RARB: variants seen among roughly 807,000 people sequenced by gnomAD.
RARB encodes the protein retinoic acid receptor beta.
A neutral mutation model predicts 51.9 loss-of-function variants in RARB; 17 were observed. The ratio of observed to expected loss-of-function variants is 0.33; its 90% confidence interval spans 0.22 to 0.49. The LOEUF (loss-of-function observed/expected upper bound fraction) is 0.49. RARB is among the 20% of genes least tolerant of loss of function. RARB has a pLI of 0.99. For missense variants in RARB, 369 were observed against 550.8 expected (o/e 0.67, Z 3.30); for synonymous variants, 215 against 195.4 (o/e 1.10, Z -0.84).
chr3:25,286,847 G>A (rs1042805766), intron 5 of RARB, among the ~76,000 whole-genome samples: 2 of 152,186 alleles, frequency 1.3e-5, no homozygotes, highest in African/African-American at 2.4e-5. Flanking sequence ...AAAGTCCACA[G>A]CAGAGTACTA....
intron 5 of RARB, among the ~76,000 whole-genome samples, chr3:25,267,899 C>A (rs1332640572): frequency 1.3e-5 from 2 of 152,118 alleles, no homozygotes; most frequent in Non-Finnish European, 2.9e-5. Context: ...GCATAGAAAT[C>A]TAATATGGAA....
intron 3 of RARB, among the ~76,000 whole-genome samples, chr3:25,081,937 T>G (rs909920470): frequency 5.9e-5 from 9 of 151,778 alleles, no homozygotes; most frequent in African/African-American, 2.2e-4. Context: ...CCGGCCTGCT[T>G]CATATATTTT....
chr3:25,355,437 A>G (rs1705704396), intron 5 of RARB, among the ~76,000 whole-genome samples: 1 of 152,156 alleles, frequency 6.6e-6, no homozygotes. Flanking sequence ...CCTTTGTCAC[A>G]CAGTGAAGCA....
intron 5 of RARB, among the ~76,000 whole-genome samples, chr3:25,300,451 T>G (rs1704013867): frequency 1.3e-5 from 2 of 152,330 alleles, no homozygotes; most frequent in South Asian, 2.1e-4. Flanking sequence ...AGAATATGAC[T>G]GTCTACTTCT....
intron 2 of RARB, among the ~76,000 whole-genome samples, chr3:24,877,842 A>G (rs1003422386): frequency 6.6e-6 from 1 of 152,162 alleles, no homozygotes; most frequent in East Asian, 1.9e-4. Flanking sequence ...CAGGCCTCCA[A>G]CACATGTCCA....
chr3:25,465,539 A>G (rs6778350), intron 2 of RARB, among the ~76,000 whole-genome samples: 133,402 of 152,262 alleles, frequency 0.88, 58,700 homozygotes, highest in African/African-American at 0.95. Context: ...AGAACTTTCC[A>G]TCCTCCTAGG....
chr3:25,150,798 A>G (rs1337513107), intron 4 of RARB, among the ~76,000 whole-genome samples: 2 of 152,222 alleles, frequency 1.3e-5, no homozygotes, highest in African/African-American at 4.8e-5. Context: ...CCAGCCTTCT[A>G]GTAGTTTTAG....
At chr3:24,956,082 G>C (rs1053701020) in intron 2 of RARB, among the ~76,000 whole-genome samples, 1 of 152,086 alleles carries the variant, frequency 6.6e-6, no homozygotes, top group African/African-American at 2.4e-5. Context: ...GTTGGACAGC[G>C]GGGTTAGAAA....
chr3:25,159,791 T>C (rs1281106683), intron 4 of RARB, among the ~76,000 whole-genome samples: 1 of 152,178 alleles, frequency 6.6e-6, no homozygotes, highest in African/African-American at 2.4e-5. Context: ...ACTTAAAATG[T>C]CATTTCCTAA....
At chr3:25,586,296 C>T (rs1008087205) in intron 5 of RARB, among the ~76,000 whole-genome samples, 1 of 152,106 alleles carries the variant, frequency 6.6e-6, no homozygotes, top group Admixed American at 6.6e-5. Flanking sequence ...CAGGTCTGTC[C>T]CAAGCTCTTA....
At chr3:24,875,698 C>A (rs942485726) in intron 2 of RARB, among the ~76,000 whole-genome samples, 9 of 151,986 alleles carry the variant, frequency 5.9e-5, no homozygotes, top group African/African-American at 1.7e-4. Flanking sequence ...CATGTTAATA[C>A]CTTATAAATC....
intron 5 of RARB, among the ~76,000 whole-genome samples, chr3:25,364,681 A>C (rs2125466668): frequency 6.6e-6 from 1 of 152,350 alleles, no homozygotes; most frequent in South Asian, 2.1e-4. Flanking sequence ...TGCCACAGTG[A>C]AGGTTGTTTC....
At chr3:25,590,625 T>C (rs1442306700) in intron 5 of RARB, among the ~76,000 whole-genome samples, 1 of 152,102 alleles carries the variant, frequency 6.6e-6, no homozygotes, top group Non-Finnish European at 1.5e-5. Flanking sequence ...GTTCAAGAGA[T>C]TCTCCAACCT....
At chr3:25,224,271 C>G (rs1702007539) in intron 5 of RARB, among the ~76,000 whole-genome samples, 1 of 152,150 alleles carries the variant, frequency 6.6e-6, no homozygotes, top group Non-Finnish European at 1.5e-5. Context: ...CTTGCTTGTT[C>G]ATATCTAAAC....
chr3:25,468,149 G>T lies in RARB; in HGVS notation c.306+6808G>T, dbSNP rs1336743532. 8.5e-5 allele frequency among the ~76,000 whole-genome samples: 13 copies of T among 152,230 alleles called. No individual in the cohort carries two copies. In the South Asian group the frequency reaches 2.7e-3, roughly 32 times the overall value. ...TCTGGCTATGTCCATTGACTTCTCT[G>T]GGCCTTAGCCTATCTGTAAAATGAA... On this transcript the variant is annotated intron_variant, in intron 2 of 7. Transcript: ENST00000330688.
At chr3:24,968,729 T>G (rs1169724049) in intron 2 of RARB, among the ~76,000 whole-genome samples, 1 of 152,102 alleles carries the variant, frequency 6.6e-6, no homozygotes, top group East Asian at 1.9e-4. Context: ...CAAGTCCCAA[T>G]GTGCAAATAT....
chr3:25,120,149 A>C (rs1031453091), intron 3 of RARB, among the ~76,000 whole-genome samples: 1 of 152,156 alleles, frequency 6.6e-6, no homozygotes, highest in Non-Finnish European at 1.5e-5. Flanking sequence ...TCTTAATACT[A>C]TATCAGGGTT....
At chr3:24,936,329 C>T (rs1695548012) in intron 2 of RARB, among the ~76,000 whole-genome samples, 1 of 152,096 alleles carries the variant, frequency 6.6e-6, no homozygotes, top group South Asian at 2.1e-4. Flanking sequence ...CCTCAGATCA[C>T]ACAATAAAAT....
chr3:25,215,908 A>G lies in RARB; in HGVS notation c.178+41333A>G, dbSNP rs372982254. On this transcript the variant is annotated intron_variant, in intron 5 of 11. Coordinates refer to the RARB transcript ENST00000383772. ...CTCTAGTATTTTTCATACCAAACTG[A>G]AACTGGCACTTTACAGGGGAAGAAC... Among the ~76,000 whole-genome samples, 48 of 152,278 alleles carry G rather than the reference A, an allele frequency of 3.2e-4. 2 individuals are homozygous for G. The South Asian group carries it at 9.3e-3, about 30-fold the overall frequency.
Sources: allele counts gnomAD v4.1 joint callset (sites outside exome capture counted in the v4.1 genomes callset), GRCh38; gene constraint gnomAD v4.1.1; transcripts MANE v1.5; gene names NCBI Gene and HGNC (gene_info 2026-07-23, HGNC 2026-07-21).